Variants in ROBO2 observed in about 807,000 individuals in gnomAD.
ROBO2 encodes roundabout guidance receptor 2.
In ROBO2, 53 loss-of-function variants were observed where a neutral mutation model predicts 160.8. That is an observed-to-expected ratio of 0.33 (90% CI 0.26 to 0.41). The LOEUF is 0.41. Among genes scored for constraint, ROBO2 ranks in the 10% least tolerant of loss-of-function variants. ROBO2 has a pLI of 1.00. For synonymous variants in ROBO2, 664 were observed against 611.7 expected, an observed-to-expected ratio of 1.09 and a Z score of -1.26; for missense variants, 1,577 against 1,722.4, an observed-to-expected ratio of 0.92 and a Z score of 1.49.
chr3:75,955,324 A>C (rs532215275), intron 2 of ROBO2, among the ~76,000 whole-genome samples: 1 of 151,960 alleles, frequency 6.6e-6, no homozygotes, highest in African/African-American at 2.4e-5. Context: ...ATTTTGAAAT[A>C]GAACTTTGCA....
chr3:76,268,701 C>T (rs547865572), intron 2 of ROBO2, among the ~76,000 whole-genome samples: 1 of 152,248 alleles, frequency 6.6e-6, no homozygotes, highest in African/African-American at 2.4e-5. Flanking sequence ...TTAAGGTACA[C>T]AATTCAGTCC....
At position 77,033,355 on chromosome 3, in the gene ROBO2, TCTC is replaced by T. The variant is rs576678705; in HGVS notation, c.110-64656_110-64654del. On this transcript the variant is annotated intron_variant, in intron 2 of 26. Transcript: ENST00000487694. The stretch of plus-strand genomic sequence containing the variant: ...TGGTTTACTTAAGAACACTGTGAAA[TCTC>T]CTATGAAAATCTTTAAAATAAAACA... 4.6e-5 allele frequency among the ~76,000 whole-genome samples: 7 copies of T among 152,294 alleles called. No homozygotes were observed. In the East Asian group the frequency reaches 1.4e-3, roughly 29 times the overall value.
intron 2 of ROBO2, among the ~76,000 whole-genome samples, chr3:76,119,916 CCCTTCCTTCCTTCCTTCCTTCCTT>C (rs551169822): frequency 1.4e-4 from 12 of 88,118 alleles, no homozygotes; most frequent in East Asian, 1.2e-3. Context: ...TTCCCTCCCT[CCCTTCCTTCCTTCCTTCCTTCCTT>C]CCTTCCTTCC....
intron 2 of ROBO2, among the ~76,000 whole-genome samples, chr3:76,252,758 TACAC>T (rs113177987): frequency 0.2 from 10,645 of 53,480 alleles, 952 homozygotes; most frequent in East Asian, 0.51. Context: ...TGTATATGTA[TACAC>T]ACACACACAC....
At chr3:76,198,160 G>C (rs1480394310) in intron 2 of ROBO2, among the ~76,000 whole-genome samples, 1 of 151,518 alleles carries the variant, frequency 6.6e-6, no homozygotes, top group Non-Finnish European at 1.5e-5. Context: ...CTTCCCTCAG[G>C]ACATGGTGGG....
In ROBO2 at chr3:77,607,894, C is replaced by G. The variant is rs374166639; in HGVS notation, c.3233C>G (p.Pro1078Arg). ...GCCAATGTCCCTCTACCTCCCCCCCCAGTCCAGCCCCTTCCTGGCACGGAG... is the reference window on the plus strand; with the variant it reads ...GCCAATGTCCCTCTACCTCCCCCCCGAGTCCAGCCCCTTCCTGGCACGGAG... The change falls in exon 21 of 26, where the codon CCA (proline) becomes CGA (arginine). Residue 1078 changes from proline (P) to arginine (R), a missense_variant. Physicochemically the swap from Pro to Arg is moderately radical, Grantham distance 103. Transcript: ENST00000461745. 3.3e-5 allele frequency: 53 copies of G among 1,613,876 alleles called. No individual in the cohort carries two copies. The highest frequency in any genetic ancestry group is 3.3e-4 in the Middle Eastern group (2 of 6,084).
At chr3:77,405,269 G>A (rs114311768) in intron 2 of ROBO2, among the ~76,000 whole-genome samples, 1,983 of 152,140 alleles carry the variant, frequency 0.013, 36 homozygotes, top group African/African-American at 0.035. Context: ...TACTTATTTT[G>A]ATTTGATACA....
intron 2 of ROBO2, among the ~76,000 whole-genome samples, chr3:77,209,602 C>T (rs1372806522): frequency 6.6e-6 from 1 of 152,032 alleles, no homozygotes; most frequent in Non-Finnish European, 1.5e-5. Flanking sequence ...ATATTGACAA[C>T]CGAGGCAAAT....
chr3:77,550,668 C>T lies in ROBO2; in HGVS notation c.1060-150C>T, dbSNP rs552955362. The T allele has an allele frequency of 4.5e-4, 356 of 790,208 alleles. 1 individual carries two copies. In the African/African-American group the frequency reaches 5.7e-3, roughly 13 times the overall value. The allele number at this position is 790,208 out of a possible 1,614,324, so 48.9% of individuals were successfully genotyped here. A position where few individuals can be genotyped will look rare whatever the true frequency, so the allele number is the denominator to read the frequency against. On this transcript the variant is annotated intron_variant, in intron 7 of 25. Transcript: ENST00000461745. ...GGAAAACCTTTATCAGTGAAACCCA[C>T]TGTGTGGCATTTAAACATTTCTGAA... is the stretch of plus-strand genomic sequence containing the variant.
chr3:77,557,291 G>C (rs2153658161), intron 8 of ROBO2, among the ~76,000 whole-genome samples: 1 of 151,956 alleles, frequency 6.6e-6, no homozygotes, highest in East Asian at 1.9e-4. Flanking sequence ...ATATAATCTA[G>C]ATGACTTTCC....
At chr3:76,594,089 T>C (rs2086592641) in intron 2 of ROBO2, among the ~76,000 whole-genome samples, 1 of 152,004 alleles carries the variant, frequency 6.6e-6, no homozygotes, top group Admixed American at 6.6e-5. Flanking sequence ...TATTGAATCC[T>C]TTAAGTTTAG....
chr3:76,417,867 A>G (rs1165438003), intron 2 of ROBO2, among the ~76,000 whole-genome samples: 6 of 152,076 alleles, frequency 3.9e-5, no homozygotes, highest in Non-Finnish European at 4.4e-5. Flanking sequence ...TCTCTACCAC[A>G]TACCAAAATG....
At chr3:76,386,555 A>G (rs910342447) in intron 2 of ROBO2, among the ~76,000 whole-genome samples, 6 of 152,088 alleles carry the variant, frequency 3.9e-5, no homozygotes, top group Admixed American at 1.3e-4. Flanking sequence ...AAAGGTTGCA[A>G]GCCATTGTGT....
At chr3:76,646,096 G>A (rs1027149007) in intron 2 of ROBO2, among the ~76,000 whole-genome samples, 32 of 152,108 alleles carry the variant, frequency 2.1e-4, no homozygotes, top group African/African-American at 7.2e-4. Context: ...CACAACTTTA[G>A]GAAGAAGAAT....
intron 5 of ROBO2, among the ~76,000 whole-genome samples, chr3:77,508,992 C>A (rs140645034): frequency 0.013 from 1,998 of 152,012 alleles, 17 homozygotes; most frequent in Admixed American, 0.019. Flanking sequence ...AGAGGAAGAG[C>A]AAACAGGTTT....
chr3:76,337,943 A>G (rs997174352), intron 2 of ROBO2, among the ~76,000 whole-genome samples: 1 of 152,124 alleles, frequency 6.6e-6, no homozygotes, highest in Non-Finnish European at 1.5e-5. Flanking sequence ...CCGTGGTAAA[A>G]CTAGAAATAG....
chr3:77,006,911 T>G (rs2061610066), intron 2 of ROBO2, among the ~76,000 whole-genome samples: 1 of 152,132 alleles, frequency 6.6e-6, no homozygotes, highest in Admixed American at 6.6e-5. Context: ...TATACCTCTC[T>G]TAGGATGAAT....
chr3:76,172,787 A>G (rs148706574), intron 2 of ROBO2, among the ~76,000 whole-genome samples: 18 of 152,270 alleles, frequency 1.2e-4, no homozygotes, highest in Middle Eastern at 3.4e-3. Context: ...AAAAATAGAA[A>G]TTCTTGCTAC....
chr3:76,680,226 A>G (rs1158729266), intron 2 of ROBO2, among the ~76,000 whole-genome samples: 1 of 152,122 alleles, frequency 6.6e-6, no homozygotes, highest in African/African-American at 2.4e-5. Context: ...ACGCTTACTT[A>G]GTTCTATAAA....
Sources: gnomAD v4.1 joint callset for allele counts (sites outside exome capture counted in the v4.1 genomes callset) on GRCh38, gnomAD v4.1.1 for gene constraint, MANE v1.5 for transcripts, NCBI Gene and HGNC (gene_info 2026-07-23, HGNC 2026-07-21) for gene names.